AMMECR1: variants seen among roughly 807,000 people sequenced by gnomAD.
The protein encoded by AMMECR1 is AMMECR nuclear protein 1.
AMMECR1 carries 3 observed loss-of-function variants against 22.5 expected under a neutral mutation model. The observed-to-expected ratio is 0.13, with a 90% CI of 0.06 to 0.35. AMMECR1 has a LOEUF of 0.35. Ranked by LOEUF, AMMECR1 falls within the 10% of genes least tolerant of loss-of-function variation. The pLI, the probability that AMMECR1 is intolerant of heterozygous loss-of-function variation, is 1.00. For missense variants in AMMECR1, 235 were observed against 278.7 expected, an observed-to-expected ratio of 0.84 and a Z score of 1.12; for synonymous variants, 130 against 116.7, an observed-to-expected ratio of 1.11 and a Z score of -0.74.
chrX:110,432,403 G>A (rs1278091524), intron 1 of AMMECR1, among the ~76,000 whole-genome samples: 1 of 112,206 alleles, frequency 8.9e-6, no homozygotes, highest in Non-Finnish European at 1.9e-5. Flanking sequence ...CAATCCCCAA[G>A]GGTGAGTGGT....
intron 2 of AMMECR1, among the ~76,000 whole-genome samples, chrX:110,351,988 T>C (rs2068212974): frequency 8.9e-6 from 1 of 112,212 alleles, no homozygotes; most frequent in African/African-American, 3.2e-5. Context: ...ATGTTCAGCA[T>C]AATTGTTAGA....
rs985630616 is a variant in AMMECR1 at position 110,197,980 on chromosome X, C to G, written c.*540G>C. The stretch of plus-strand genomic sequence containing the variant: ...AGCAAAGTGAATTTCAGACAAAAAT[C>G]AAGAGTAATATACAAATACCTGAAT... On this transcript the variant is annotated 3_prime_UTR_variant, in exon 6 of 6. Coordinates refer to ENST00000262844, the MANE Select transcript of AMMECR1 (RefSeq NM_015365.3). 1 of 111,609 alleles carries G rather than the reference C, an allele frequency of 9.0e-6. No individual in the cohort carries two copies. Among genetic ancestry groups the G allele is most frequent in the African/African-American group, 3.3e-5 (1 of 30,696 alleles). The allele number at this position is 111,609 out of a possible 1,213,427, so 9.2% of individuals were successfully genotyped here. A position where few individuals can be genotyped will look rare whatever the true frequency, so the allele number is the denominator to read the frequency against.
intron 1 of AMMECR1, among the ~76,000 whole-genome samples, chrX:110,433,451 G>A (rs995170773): frequency 1.8e-5 from 2 of 111,457 alleles, no homozygotes; most frequent in Admixed American, 9.5e-5. Context: ...GAGGATGGGA[G>A]GATGACTAGG....
intron 2 of AMMECR1, among the ~76,000 whole-genome samples, chrX:110,401,376 C>A (rs752891985): frequency 5.4e-5 from 6 of 111,725 alleles, no homozygotes; most frequent in Non-Finnish European, 1.1e-4. Flanking sequence ...ACTATGGCTC[C>A]TACAGGCAGC....
At chrX:110,256,344 G>A (rs1171815575) in intron 2 of AMMECR1, among the ~76,000 whole-genome samples, 5 of 111,472 alleles carry the variant, frequency 4.5e-5, no homozygotes, top group Non-Finnish European at 7.6e-5. Context: ...GTCATTATGC[G>A]GTACATGACT....
intron 2 of AMMECR1, among the ~76,000 whole-genome samples, chrX:110,403,907 C>A (rs1485374321): frequency 8.9e-6 from 1 of 111,957 alleles, no homozygotes. Flanking sequence ...ATTCTGAATT[C>A]CTTCAATTAT....
At chrX:110,396,629 A>G (rs968892492) in intron 2 of AMMECR1, among the ~76,000 whole-genome samples, 1 of 111,838 alleles carries the variant, frequency 8.9e-6, no homozygotes, top group African/African-American at 3.3e-5. Context: ...CCTTTTAGGT[A>G]AGCAGGGGGC....
intron 3 of AMMECR1, 26 bp downstream of exon 3, chrX:110,216,488 TTTTC>T: frequency 9.1e-7 from 1 of 1,096,277 alleles, no homozygotes. Context: ...TTACCTTCAT[TTTTC>T]TTTAAAAATT....
intron 2 of AMMECR1, among the ~76,000 whole-genome samples, chrX:110,396,545 T>C (rs1029355708): frequency 8.9e-6 from 1 of 112,255 alleles, no homozygotes; most frequent in East Asian, 2.8e-4. Flanking sequence ...AGGAAGCATT[T>C]CTCAGGCATC....
At chrX:110,281,727 T>C (rs944391546) in intron 1 of AMMECR1, among the ~76,000 whole-genome samples, 2 of 112,366 alleles carry the variant, frequency 1.8e-5, no homozygotes, top group Non-Finnish European at 3.8e-5. Context: ...AATAACTAAC[T>C]TTTTAGAAGG....
intron 2 of AMMECR1, among the ~76,000 whole-genome samples, chrX:110,259,677 T>C (rs1458557356): frequency 8.4e-5 from 9 of 107,777 alleles, no homozygotes; most frequent in Non-Finnish European, 1.3e-4. Flanking sequence ...CTGCAAGCTC[T>C]GCCTCCCGGG....
intron 1 of AMMECR1, among the ~76,000 whole-genome samples, chrX:110,308,495 A>C (rs2068009125): frequency 8.9e-6 from 1 of 111,770 alleles, no homozygotes; most frequent in Non-Finnish European, 1.9e-5. Flanking sequence ...TGTGGAGTAA[A>C]GTATACCACA....
At chrX:110,222,047 G>C (rs1465418134) in intron 2 of AMMECR1, among the ~76,000 whole-genome samples, 1 of 109,974 alleles carries the variant, frequency 9.1e-6, no homozygotes, top group South Asian at 3.9e-4. Context: ...GCGATTCCTC[G>C]GGGATCTAGA....
At chrX:110,382,798 T>G (rs1200285860) in intron 2 of AMMECR1, among the ~76,000 whole-genome samples, 1 of 112,063 alleles carries the variant, frequency 8.9e-6, no homozygotes, top group Non-Finnish European at 1.9e-5. Context: ...GGGGCCACTG[T>G]GTTAATTAAA....
rs769421949 is a variant in AMMECR1 at position 110,420,439 on chromosome X, G to A, written c.-148+6219C>T. On this transcript the variant is annotated intron_variant, in intron 2 of 7. Transcript: ENST00000372057. The stretch of plus-strand genomic sequence containing the variant: ...GGTCAAGCATAGCACTGGGCACAAG[G>A]GTATTCTGGTGCAAGAGGTGCCTCT... 4.5e-5 allele frequency among the ~76,000 whole-genome samples: 5 copies of A among 112,076 alleles called. No individual in the cohort carries two copies. In the East Asian group the frequency reaches 1.4e-3, roughly 31 times the overall value.
At chrX:110,312,371 T>C (rs1184374817) in intron 1 of AMMECR1, among the ~76,000 whole-genome samples, 1 of 112,497 alleles carries the variant, frequency 8.9e-6, no homozygotes, top group Non-Finnish European at 1.9e-5. Context: ...AAACAACTCA[T>C]GCATGGGTTA....
At chrX:110,234,016 T>C (rs770895538) in intron 2 of AMMECR1, among the ~76,000 whole-genome samples, 1 of 111,986 alleles carries the variant, frequency 8.9e-6, no homozygotes, top group Non-Finnish European at 1.9e-5. Context: ...GGTATTCAAT[T>C]AGGAAAAGAA....
chrX:110,198,485 C>T lies in AMMECR1; in HGVS notation c.*35G>A. 4 of 992,202 alleles carry T rather than the reference C, an allele frequency of 4.0e-6. No homozygotes were observed. The highest frequency in any genetic ancestry group is 5.5e-6 in the Non-Finnish European group (4 of 721,778). The allele number at this position is 992,202 out of a possible 1,213,427, so 81.8% of individuals were successfully genotyped here. A position where few individuals can be genotyped will look rare whatever the true frequency, so the allele number is the denominator to read the frequency against. ...GTAGGGTCTCCTGGGAAGAGGTCTG[C>T]AGAGAGGCCCAGTGACTGGTTGTGC... On this transcript the variant is annotated 3_prime_UTR_variant, in exon 6 of 6. Coordinates refer to ENST00000262844, the MANE Select transcript of AMMECR1 (RefSeq NM_015365.3).
chrX:110,356,298 A>G (rs2068230108), intron 2 of AMMECR1, among the ~76,000 whole-genome samples: 1 of 108,505 alleles, frequency 9.2e-6, no homozygotes, highest in Non-Finnish European at 1.9e-5. Context: ...GATTACAGGC[A>G]TGTACCTCCA....
Sources: allele counts gnomAD v4.1 joint callset (sites outside exome capture counted in the v4.1 genomes callset), GRCh38; gene constraint gnomAD v4.1.1; transcripts MANE v1.5; gene names NCBI Gene and HGNC (gene_info 2026-07-23, HGNC 2026-07-21).